FRS2: variants seen among roughly 807,000 people sequenced by gnomAD.
The protein encoded by FRS2 is FGFR signalling adaptor.
Under a neutral mutation model 43.9 loss-of-function variants are expected in FRS2, and 8 were observed. The ratio of observed to expected loss-of-function variants is 0.18; its 90% CI spans 0.11 to 0.33. The LOEUF is 0.33. Ranked by LOEUF, FRS2 falls within the 10% of genes least tolerant of loss-of-function variation. The pLI, the probability that FRS2 is intolerant of heterozygous loss-of-function variation, is 1.00. For missense variants in FRS2, 534 were observed against 627.6 expected (o/e 0.85, Z 1.59); for synonymous variants, 219 against 220.3 (o/e 0.99, Z 0.05).
intron 1 of FRS2, among the ~76,000 whole-genome samples, chr12:69,525,597 A>T (rs1876134139): frequency 6.6e-6 from 1 of 152,170 alleles, no homozygotes. Flanking sequence ...TAAAAAAAAT[A>T]AAGTTGTATT....
chr12:69,474,588 A>G (rs915828258), intron 1 of FRS2, among the ~76,000 whole-genome samples: 4 of 152,202 alleles, frequency 2.6e-5, no homozygotes, highest in Non-Finnish European at 2.9e-5. Flanking sequence ...TAAAAATCCA[A>G]TTGGGAAATA....
At chr12:69,516,145 A>G (rs1874989590) in intron 1 of FRS2, among the ~76,000 whole-genome samples, 1 of 151,678 alleles carries the variant, frequency 6.6e-6, no homozygotes, top group African/African-American at 2.4e-5. Context: ...TATTTTATTC[A>G]CTTGTGCCTT....
rs752630455 is a variant in FRS2, at chr12:69,574,262, A to G, written c.834A>G (p.Gly278=). The G allele has an allele frequency of 2.5e-5, 40 of 1,614,208 alleles. No individual in the cohort carries two copies. The highest frequency in any genetic ancestry group is 3.2e-5 in the Non-Finnish European group (38 of 1,180,004). ...LEQLGRDQVS[G]SGANNTEWDT... is the part of the protein sequence containing the mutation. ...AACTTGGAAGAGATCAAGTTAGTGG[A>G]AGTGGAGCAAATAACACAGAATGGG... The change falls in exon 9 of 9, where the codon GGA becomes GGG. Residue 278 remains glycine (G), a synonymous_variant. Coordinates refer to ENST00000549921, the MANE Select transcript of FRS2 (RefSeq NM_001278356.2).
At chr12:69,569,626 G>A (rs1880581951) in intron 5 of FRS2, among the ~76,000 whole-genome samples, 1 of 152,192 alleles carries the variant, frequency 6.6e-6, no homozygotes, top group South Asian at 2.1e-4. Flanking sequence ...ACAAACCTAG[G>A]TGTAAGTCTG....
At chr12:69,540,523 T>C (rs981517789) in intron 3 of FRS2, among the ~76,000 whole-genome samples, 5 of 152,190 alleles carry the variant, frequency 3.3e-5, no homozygotes, top group African/African-American at 1.2e-4. Context: ...CACGGGCTGA[T>C]ACTGGTATGA....
At chr12:69,572,497 G>A (rs1268209727) in intron 8 of FRS2, among the ~76,000 whole-genome samples, 1 of 152,170 alleles carries the variant, frequency 6.6e-6, no homozygotes, top group Non-Finnish European at 1.5e-5. Context: ...GTAGCTTGTG[G>A]GTTCACAGAA....
intron 3 of FRS2, among the ~76,000 whole-genome samples, chr12:69,558,696 G>T (rs1254793847): frequency 1.3e-5 from 2 of 152,116 alleles, no homozygotes; most frequent in Non-Finnish European, 2.9e-5. Flanking sequence ...GTTCTGTATT[G>T]AATGTTTTGA....
chr12:69,567,328 A>T (rs1880387560), intron 4 of FRS2, among the ~76,000 whole-genome samples: 1 of 152,220 alleles, frequency 6.6e-6, no homozygotes, highest in Non-Finnish European at 1.5e-5. Context: ...ATATGTTATC[A>T]TATACACTCT....
intron 1 of FRS2, among the ~76,000 whole-genome samples, chr12:69,496,282 A>G (rs978900060): frequency 1.3e-5 from 2 of 152,030 alleles, no homozygotes; most frequent in South Asian, 2.1e-4. Context: ...TAAAAATACA[A>G]AAAAATTAGC....
chr12:69,512,488 A>G (rs1874554097), intron 1 of FRS2, among the ~76,000 whole-genome samples: 1 of 152,218 alleles, frequency 6.6e-6, no homozygotes, highest in Non-Finnish European at 1.5e-5. Flanking sequence ...CATTTAGTAT[A>G]AGAATCAAAT....
chr12:69,473,522 T>C (rs1483625095), intron 1 of FRS2, among the ~76,000 whole-genome samples: 1 of 152,226 alleles, frequency 6.6e-6, no homozygotes, highest in African/African-American at 2.4e-5. Flanking sequence ...TGGAATATAC[T>C]GTTCATTTTT....
chr12:69,532,924 G>A (rs472197), intron 3 of FRS2, among the ~76,000 whole-genome samples: 91,138 of 151,986 alleles, frequency 0.6, 28,972 homozygotes, highest in African/African-American at 0.82. Context: ...CCTTTCTCCA[G>A]TTTCTTTAAT....
chr12:69,534,138 A>T (rs1877061785), intron 3 of FRS2, among the ~76,000 whole-genome samples: 2 of 152,216 alleles, frequency 1.3e-5, no homozygotes, highest in African/African-American at 4.8e-5. Flanking sequence ...ACACTATGAC[A>T]TTAAAAAGAC....
intron 1 of FRS2, among the ~76,000 whole-genome samples, chr12:69,496,987 A>C (rs1000731962): frequency 2.6e-5 from 4 of 152,238 alleles, no homozygotes; most frequent in African/African-American, 9.6e-5. Flanking sequence ...ATGAGGAAGC[A>C]AAGATATAAA....
At chr12:69,568,169 AG>A (rs2135799581) in intron 4 of FRS2, among the ~76,000 whole-genome samples, 1 of 152,312 alleles carries the variant, frequency 6.6e-6, no homozygotes, top group Non-Finnish European at 1.5e-5. Context: ...TCTATGGGAA[AG>A]GAGTATTAAA....
chr12:69,513,705 A>T (rs1016569679), intron 1 of FRS2, among the ~76,000 whole-genome samples: 18 of 152,288 alleles, frequency 1.2e-4, no homozygotes, highest in African/African-American at 2.2e-4. Flanking sequence ...ATAATTAAAA[A>T]TTTTTTGACC....
intron 1 of FRS2, among the ~76,000 whole-genome samples, chr12:69,514,094 C>T (rs535456206): frequency 2.0e-5 from 3 of 151,652 alleles, no homozygotes; most frequent in South Asian, 4.2e-4. Flanking sequence ...GAATAGATTT[C>T]GCCCCTGCAT....
At chr12:69,476,435 A>G in intron 1 of FRS2, among the ~76,000 whole-genome samples, 1 of 151,952 alleles carries the variant, frequency 6.6e-6, no homozygotes, top group Admixed American at 6.6e-5. Flanking sequence ...AAGATAAATA[A>G]CTCGCCTTTG....
At chr12:69,485,429 G>A (rs527531247) in intron 1 of FRS2, among the ~76,000 whole-genome samples, 3 of 152,006 alleles carry the variant, frequency 2.0e-5, no homozygotes, top group East Asian at 1.9e-4. Context: ...TGATCCGCCC[G>A]CCTCGACCTT....
Sources: gnomAD v4.1 joint callset for allele counts (sites outside exome capture counted in the v4.1 genomes callset) on GRCh38, gnomAD v4.1.1 for gene constraint, MANE v1.5 for transcripts, NCBI Gene and HGNC (gene_info 2026-07-23, HGNC 2026-07-21) for gene names.